The following GCKR variants were observed in gnomAD, a reference collection of about 807,000 sequenced individuals.
GCKR encodes the protein glucokinase regulator.
GCKR carries 73 observed loss-of-function variants against 82.9 expected under a neutral mutation model. The ratio of observed to expected loss-of-function variants is 0.88; its 90% CI spans 0.73 to 1.07. The LOEUF (loss-of-function observed/expected upper bound fraction) is 1.07. Ranked by LOEUF, GCKR falls within the 50% of genes least tolerant of loss-of-function variation. The pLI is 0.00. For synonymous variants in GCKR, 294 were observed against 291.8 expected (o/e 1.01, Z -0.08); for missense variants, 784 against 782.1 (o/e 1.00, Z -0.03).
At chr2:27,523,049 C>T (rs1670189122) in intron 18 of GCKR, among the ~76,000 whole-genome samples, 1 of 152,136 alleles carries the variant, frequency 6.6e-6, no homozygotes, top group Non-Finnish European at 1.5e-5. Context: ...AGGTGCCAGC[C>T]ACCAATGCCT....
rs779120051 is a variant in GCKR, at chr2:27,508,046, C to T, written c.1310C>T (p.Ala437Val). 13 of 1,613,566 alleles carry T rather than the reference C, an allele frequency of 8.1e-6. No individual in the cohort carries two copies. Among genetic ancestry groups the T allele is most frequent in the African/African-American group, 4.0e-5 (3 of 74,902 alleles). Reference sequence around the variant, plus strand: ...AAGACCAACCACATCCAGGCCCTGGCACACAGCACCGTGGGTCAGACCTTG... The same window carrying T: ...AAGACCAACCACATCCAGGCCCTGGTACACAGCACCGTGGGTCAGACCTTG... The part of the protein sequence containing the change: ...KEKTNHIQAL[A>V]HSTVGQTLLI... Residue 437 changes from alanine to valine, a missense_variant, in exon 15 of 19, where the codon GCA becomes GTA. Transcript: ENST00000264717.
intron 13 of GCKR, 176 bp downstream of exon 13, chr2:27,507,487 G>C: frequency 1.5e-6 from 1 of 687,956 alleles, no homozygotes. Flanking sequence ...GAAAGCTCTA[G>C]ATCCAGTCCC....
intron 17 of GCKR, 146 bp downstream of exon 17, chr2:27,519,083 T>G (rs1670085746): frequency 2.9e-6 from 2 of 694,610 alleles, no homozygotes; most frequent in Non-Finnish European, 5.1e-6. Flanking sequence ...AGGTGCATCT[T>G]CCCCTTAAGG....
intron 1 of GCKR, 119 bp from the exon 2 acceptor site, chr2:27,497,125 T>C: frequency 7.9e-7 from 1 of 1,265,682 alleles, no homozygotes; most frequent in Non-Finnish European, 1.2e-6. Context: ...TCTGGTGTGG[T>C]ATGTGTGTGC....
chr2:27,504,164 C>G (rs753168499), intron 9 of GCKR, among the ~76,000 whole-genome samples: 1 of 152,180 alleles, frequency 6.6e-6, no homozygotes, highest in East Asian at 1.9e-4. Context: ...AATTCCAGCC[C>G]GTGCCTCCCT....
chr2:27,505,213 G>A lies in GCKR; in HGVS notation c.751-505G>A, dbSNP rs539194290. ...AGATCGAGACCATCCTGGCTAACAC[G>A]GTGAAACCCCATCTCTACTAAAGAT... On this transcript the variant is annotated intron_variant, in intron 9 of 18. Coordinates refer to ENST00000264717, the MANE Select transcript of GCKR (RefSeq NM_001486.4). Among the ~76,000 whole-genome samples the A allele has an allele frequency of 8.3e-5, 12 of 145,362 alleles. No individual in the cohort carries two copies. The East Asian group carries it at 1.0e-3, about 12-fold the overall frequency.
intron 16 of GCKR, among the ~76,000 whole-genome samples, chr2:27,509,197 C>T (rs996690266): frequency 3.9e-5 from 6 of 152,118 alleles, no homozygotes; most frequent in Non-Finnish European, 5.9e-5. Flanking sequence ...GTCTCTTATT[C>T]GTTATTCAAA....
At position 27,507,779 on chromosome 2, in the gene GCKR, TGA is replaced by T; in HGVS notation, c.1240+6_1240+7del. On this transcript the variant is annotated splice_donor_region_variant and intron_variant, in intron 14 of 18. Transcript: ENST00000264717. ...TGGTCTTCATTTTCACCCTGGATGG[TGA>T]GAGGGAAGATGGGAGTGGTGAGGGG... 1 of 1,541,654 alleles carries T rather than the reference TGA, an allele frequency of 6.5e-7. No individual in the cohort carries two copies. The highest frequency in any genetic ancestry group is 2.2e-5 in the East Asian group (1 of 44,516).
chr2:27,518,755 T>C, intron 16 of GCKR, 33 bp from the exon 17 acceptor site: 7 of 1,596,474 alleles, frequency 4.4e-6, no homozygotes, highest in Non-Finnish European at 6.0e-6. Context: ...TGTCCTCTAA[T>C]TTTTGACACC....
chr2:27,498,996 G>C, intron 5 of GCKR, 146 bp from the exon 6 acceptor site: 1 of 724,616 alleles, frequency 1.4e-6, no homozygotes, highest in Admixed American at 2.0e-5. Context: ...CAACTCTATG[G>C]AGTGTCTATC....
At chr2:27,507,599 C>G in intron 13 of GCKR, 82 bp from the exon 14 acceptor site, 1 of 808,700 alleles carries the variant, frequency 1.2e-6, no homozygotes, top group Non-Finnish European at 2.2e-6. Flanking sequence ...TGTTAGATCT[C>G]CTCCACGGCC....
At chr2:27,507,452 GC>G (rs1470775680) in intron 13 of GCKR, 141 bp downstream of exon 13, 1 of 751,652 alleles carries the variant, frequency 1.3e-6, no homozygotes, top group Admixed American at 1.9e-5. Context: ...AAGTCATGAG[GC>G]TTTGGCTTAG....
intron 7 of GCKR, among the ~76,000 whole-genome samples, chr2:27,500,305 G>A (rs1033048019): frequency 6.6e-6 from 1 of 151,852 alleles, no homozygotes; most frequent in African/African-American, 2.4e-5. Flanking sequence ...AAGAAAACTG[G>A]GGACCAGGAT....
At chr2:27,515,452 A>T (rs1430179933) in intron 16 of GCKR, among the ~76,000 whole-genome samples, 1 of 131,594 alleles carries the variant, frequency 7.6e-6, no homozygotes. Context: ...ATTTTGTTTC[A>T]CCATGTTGGC....
At chr2:27,503,866 C>A (rs1669643726) in intron 9 of GCKR, among the ~76,000 whole-genome samples, 1 of 152,216 alleles carries the variant, frequency 6.6e-6, no homozygotes, top group East Asian at 1.9e-4. Flanking sequence ...CGGTCTGGGA[C>A]AGTTTCTATT....
chr2:27,523,431 GTTCAGTGAACCCATGTT>G lies in GCKR; in HGVS notation c.1872_*10del. 6.2e-7 allele frequency: 1 copy of G among 1,606,372 alleles called. No individual in the cohort carries two copies. Among genetic ancestry groups the G allele is most frequent in the Non-Finnish European group, 8.5e-7 (1 of 1,179,980 alleles). On this transcript the variant is annotated stop_lost and 3_prime_UTR_variant, in exon 19 of 19. Transcript: ENST00000264717. Reference sequence around the variant, plus strand: ...CCCCCTCGAGATCCTAGAGCCTGACGTTCAGTGAACCCATGTTTCTGGGTGGGTGAAAGGGGCCCAAC... The same window carrying G: ...CCCCCTCGAGATCCTAGAGCCTGACGTCTGGGTGGGTGAAAGGGGCCCAAC...
chr2:27,510,672 G>A (rs1209570107), intron 16 of GCKR, among the ~76,000 whole-genome samples: 2 of 152,004 alleles, frequency 1.3e-5, no homozygotes, highest in Non-Finnish European at 2.9e-5. Context: ...GCAACAAAAG[G>A]GCATTTTAGT....
chr2:27,517,201 A>G (rs1047625921), intron 16 of GCKR, among the ~76,000 whole-genome samples: 6 of 151,800 alleles, frequency 4.0e-5, no homozygotes, highest in Non-Finnish European at 7.4e-5. Context: ...TTTAGTAGAG[A>G]CGGGGTTTCA....
At chr2:27,507,126 G>GC in intron 12 of GCKR, 109 bp from the exon 13 acceptor site, 1 of 838,942 alleles carries the variant, frequency 1.2e-6, no homozygotes, top group Non-Finnish European at 2.1e-6. Flanking sequence ...CTCACTCTAC[G>GC]CCCCACTTGC....
Sources: gnomAD v4.1 joint callset for allele counts (sites outside exome capture counted in the v4.1 genomes callset) on GRCh38, gnomAD v4.1.1 for gene constraint, MANE v1.5 for transcripts, NCBI Gene and HGNC (gene_info 2026-07-23, HGNC 2026-07-21) for gene names.